The following ARMH3 variants were observed in gnomAD, a reference collection of about 807,000 sequenced individuals.
ARMH3 encodes the protein armadillo like helical domain containing 3, also known as armadillo-like helical domain-containing protein 3.
Under a neutral mutation model 99.1 loss-of-function variants are expected in ARMH3, and 60 were observed. That is an observed-to-expected ratio of 0.61 (90% CI 0.49 to 0.75). The LOEUF (loss-of-function observed/expected upper bound fraction) is 0.75. Ranked by LOEUF, ARMH3 falls within the 30% of genes least tolerant of loss-of-function variation. The pLI is 0.00. For synonymous variants in ARMH3, 285 were observed against 292.8 expected (o/e 0.97, Z 0.27); for missense variants, 679 against 843.1 (o/e 0.81, Z 2.41).
intron 19 of ARMH3, among the ~76,000 whole-genome samples, chr10:101,977,175 A>G (rs1846050126): frequency 6.6e-6 from 1 of 152,206 alleles, no homozygotes; most frequent in Non-Finnish European, 1.5e-5. Flanking sequence ...TCTACTGGAC[A>G]GCATTCTGCT....
chr10:101,918,334 G>A (rs772550165), intron 23 of ARMH3, among the ~76,000 whole-genome samples: 17 of 152,146 alleles, frequency 1.1e-4, no homozygotes, highest in African/African-American at 2.4e-4. Context: ...GATTACAGGC[G>A]TAAGCCACTG....
chr10:102,025,277 C>T, intron 5 of ARMH3, 29 bp from the exon 6 acceptor site: 1 of 1,581,722 alleles, frequency 6.3e-7, no homozygotes, highest in Non-Finnish European at 8.7e-7. Flanking sequence ...AAGCATTAAA[C>T]CATACCAGAT....
intron 24 of ARMH3, among the ~76,000 whole-genome samples, chr10:101,869,071 CAA>C (rs760328201): frequency 2.8e-4 from 17 of 60,112 alleles, no homozygotes; most frequent in Admixed American, 1.9e-4. Flanking sequence ...GACTCTGTCT[CAA>C]AAAAAAAAAA....
chr10:102,002,889 A>C (rs1386214631), intron 14 of ARMH3, among the ~76,000 whole-genome samples: 1 of 151,512 alleles, frequency 6.6e-6, no homozygotes, highest in Non-Finnish European at 1.5e-5. Context: ...TGAAACCGGG[A>C]GGCGGAGGTT....
At chr10:101,960,558 A>G (rs1300321903) in intron 20 of ARMH3, among the ~76,000 whole-genome samples, 1 of 152,182 alleles carries the variant, frequency 6.6e-6, no homozygotes, top group Non-Finnish European at 1.5e-5. Context: ...AGCTGGGACT[A>G]GGACCTTGTC....
chr10:101,920,508 C>G (rs573285729), intron 23 of ARMH3, among the ~76,000 whole-genome samples: 2 of 151,840 alleles, frequency 1.3e-5, no homozygotes, highest in East Asian at 1.9e-4. Flanking sequence ...GAGGGGCCAG[C>G]GAGGGGACAA....
At chr10:101,973,287 G>A (rs963136120) in intron 20 of ARMH3, among the ~76,000 whole-genome samples, 1 of 151,182 alleles carries the variant, frequency 6.6e-6, no homozygotes, top group African/African-American at 2.4e-5. Context: ...GTGTGAACCC[G>A]GGAGGCGGAG....
intron 22 of ARMH3, among the ~76,000 whole-genome samples, chr10:101,955,187 T>TA (rs1335282744): frequency 2.6e-5 from 4 of 151,990 alleles, no homozygotes; most frequent in South Asian, 2.1e-4. Context: ...GCCAAGCTCC[T>TA]AAAAAAAAGA....
chr10:102,001,638 T>C (rs927179587), intron 15 of ARMH3, among the ~76,000 whole-genome samples: 1 of 152,172 alleles, frequency 6.6e-6, no homozygotes, highest in Non-Finnish European at 1.5e-5. Context: ...AAAAGGGAAT[T>C]CCCTGAAGCG....
intron 15 of ARMH3, among the ~76,000 whole-genome samples, chr10:101,996,527 G>C (rs938122533): frequency 2.0e-5 from 3 of 152,110 alleles, no homozygotes; most frequent in African/African-American, 7.2e-5. Context: ...TAGCCAAAGA[G>C]TAATGCCCTT....
intron 24 of ARMH3, among the ~76,000 whole-genome samples, chr10:101,874,180 G>C (rs1328414111): frequency 6.6e-6 from 1 of 152,156 alleles, no homozygotes; most frequent in Non-Finnish European, 1.5e-5. Context: ...TGGTATAAGA[G>C]AACATTTTTT....
At chr10:102,051,475 A>G (rs369096202) in intron 1 of ARMH3, among the ~76,000 whole-genome samples, 6 of 141,828 alleles carry the variant, frequency 4.2e-5, no homozygotes, top group South Asian at 2.2e-4. Flanking sequence ...TCCATTTCGG[A>G]AAAAAAAAAA....
At chr10:102,041,480 T>G (rs2067424862) in intron 1 of ARMH3, among the ~76,000 whole-genome samples, 1 of 152,164 alleles carries the variant, frequency 6.6e-6, no homozygotes, top group Non-Finnish European at 1.5e-5. Flanking sequence ...TGCACTATCT[T>G]TCTGATCAAA....
chr10:101,911,153 AG>A (rs2135547292), intron 23 of ARMH3, among the ~76,000 whole-genome samples: 1 of 151,978 alleles, frequency 6.6e-6, no homozygotes, highest in South Asian at 2.1e-4. Flanking sequence ...AAAAAAAAAA[AG>A]AGACAGAAGG....
In ARMH3 at chr10:101,957,732, G is replaced by C; in HGVS notation, c.1496C>G (p.Ala499Gly). The change falls in exon 21 of 26, where the codon GCC becomes GGC. Residue 499 changes from alanine (A) to glycine (G), a missense_variant and splice_region_variant. This residue lies in a region of ARMH3 where 389 missense variants were observed against 456.5 expected (regional missense o/e 0.85). Transcript: ENST00000370033. The part of the protein sequence containing the change: ...LHYTWRELWS[A>G]LINLLKFLMS... ...AAGGAACTTCAGCAAATTTATCAAG[G>C]CTTTAAAAAAAAAAAAAAAGACATC... 1 of 1,423,648 alleles carries C rather than the reference G, an allele frequency of 7.0e-7. No homozygotes were observed. Among genetic ancestry groups the C allele is most frequent in the Middle Eastern group, 1.8e-4 (1 of 5,410 alleles). The allele number at this position is 1,423,648 out of a possible 1,614,324, so 88.2% of individuals were successfully genotyped here. A position where few individuals can be genotyped will look rare whatever the true frequency, so the allele number is the denominator to read the frequency against.
At chr10:102,010,053 A>G in intron 11 of ARMH3, 30 bp from the exon 12 acceptor site, 1 of 1,605,896 alleles carries the variant, frequency 6.2e-7, no homozygotes, top group Non-Finnish European at 8.5e-7. Flanking sequence ...TTGCAAACTT[A>G]TAGCAGGAGG....
chr10:102,026,268 G>A (rs922563786), intron 5 of ARMH3, among the ~76,000 whole-genome samples: 2 of 152,200 alleles, frequency 1.3e-5, no homozygotes, highest in Admixed American at 6.5e-5. Flanking sequence ...AAGGTAAGCT[G>A]CTTCAGTTCA....
At chr10:102,048,989 C>T (rs1035070880) in intron 1 of ARMH3, among the ~76,000 whole-genome samples, 1 of 151,688 alleles carries the variant, frequency 6.6e-6, no homozygotes, top group Non-Finnish European at 1.5e-5. Context: ...TCCTAATATG[C>T]CTCTCACTTT....
intron 19 of ARMH3, among the ~76,000 whole-genome samples, chr10:101,983,691 G>A (rs1399824457): frequency 5.3e-5 from 8 of 152,190 alleles, no homozygotes; most frequent in Admixed American, 4.6e-4. Context: ...CGTGCAGGGA[G>A]GTTGGCACAC....
Sources: gnomAD v4.1 joint callset for allele counts (sites outside exome capture counted in the v4.1 genomes callset) on GRCh38, gnomAD v4.1.1 for gene constraint, gnomAD v4.1.1 regional missense constraint, MANE v1.5 for transcripts, NCBI Gene and HGNC (gene_info 2026-07-23, HGNC 2026-07-21) for gene names.